ACACA: variants seen among roughly 807,000 people sequenced by gnomAD.
The protein encoded by ACACA is acetyl-CoA carboxylase alpha, also known as acetyl-CoA carboxylase 1.
A neutral mutation model predicts 296.1 loss-of-function variants in ACACA; 103 were observed. The ratio of observed to expected loss-of-function variants is 0.35; its 90% CI spans 0.30 to 0.41. ACACA has a LOEUF of 0.41. Ranked by LOEUF, ACACA falls within the 10% of genes least tolerant of loss-of-function variation. ACACA has a pLI of 1.00. For synonymous variants in ACACA, 953 were observed against 1,038.6 expected (o/e 0.92, Z 1.58); for missense variants, 1,554 against 2,989.7 (o/e 0.52, Z 11.20).
At chr17:37,394,057 G>T (rs922641097) in intron 1 of ACACA, among the ~76,000 whole-genome samples, 1 of 152,120 alleles carries the variant, frequency 6.6e-6, no homozygotes, top group Non-Finnish European at 1.5e-5. Context: ...GAGAACTCCT[G>T]TGTGGGCTTT....
At chr17:37,254,264 A>C (rs1454856450) in intron 14 of ACACA, among the ~76,000 whole-genome samples, 1 of 152,214 alleles carries the variant, frequency 6.6e-6, no homozygotes, top group Non-Finnish European at 1.5e-5. Flanking sequence ...TTCATGAAAA[A>C]TGTGGAAACT....
intron 3 of ACACA, among the ~76,000 whole-genome samples, chr17:37,292,171 T>C (rs1272452686): frequency 6.6e-6 from 1 of 152,192 alleles, no homozygotes; most frequent in African/African-American, 2.4e-5. Flanking sequence ...TATATAACTG[T>C]ATAACATCAT....
At chr17:37,111,287 CTT>C (rs1048413803) in intron 52 of ACACA, among the ~76,000 whole-genome samples, 2 of 152,018 alleles carry the variant, frequency 1.3e-5, no homozygotes, top group Non-Finnish European at 2.9e-5. Context: ...GAAAGACGGG[CTT>C]TTTGTACTCT....
chr17:37,256,833 A>C (rs2081249736), intron 14 of ACACA, among the ~76,000 whole-genome samples: 1 of 152,196 alleles, frequency 6.6e-6, no homozygotes. Context: ...CTAATAAACA[A>C]ATGCTATTTA....
At chr17:37,156,506 A>T (rs1338378661) in intron 42 of ACACA, among the ~76,000 whole-genome samples, 1 of 152,242 alleles carries the variant, frequency 6.6e-6, no homozygotes, top group East Asian at 1.9e-4. Flanking sequence ...AATAAATATA[A>T]GCAAGGGATA....
chr17:37,316,103 A>G (rs2047073609), intron 3 of ACACA, among the ~76,000 whole-genome samples: 1 of 152,144 alleles, frequency 6.6e-6, no homozygotes, highest in Non-Finnish European at 1.5e-5. Flanking sequence ...GATAGAGACC[A>G]AATGCTTATT....
intron 1 of ACACA, among the ~76,000 whole-genome samples, chr17:37,377,650 A>C (rs1268688590): frequency 6.9e-6 from 1 of 145,626 alleles, no homozygotes; most frequent in Non-Finnish European, 1.5e-5. Context: ...ACAGAGTGAG[A>C]CTCCGTCTCA....
intron 3 of ACACA, among the ~76,000 whole-genome samples, chr17:37,317,234 T>C (rs1399099384): frequency 1.3e-5 from 2 of 152,172 alleles, no homozygotes; most frequent in African/African-American, 2.4e-5. Context: ...AAAGGAAATA[T>C]ATAAAATATG....
At chr17:37,381,680 T>G (rs1260566019) in intron 1 of ACACA, among the ~76,000 whole-genome samples, 2 of 145,812 alleles carry the variant, frequency 1.4e-5, no homozygotes, top group Non-Finnish European at 3.0e-5. Context: ...CAGGCTGGAG[T>G]GCAGTGGTGC....
intron 41 of ACACA, among the ~76,000 whole-genome samples, chr17:37,173,001 C>A (rs896638357): frequency 1.2e-4 from 19 of 152,286 alleles, no homozygotes; most frequent in Middle Eastern, 3.4e-3. Context: ...AATTTCTATA[C>A]ACAGCATGAA....
At chr17:37,139,315 A>G (rs534618054) in intron 45 of ACACA, among the ~76,000 whole-genome samples, 118 of 152,254 alleles carry the variant, frequency 7.8e-4, no homozygotes, top group Non-Finnish European at 1.4e-3. Flanking sequence ...CATGCCACCC[A>G]AAGTGTGAGG....
chr17:37,341,369 G>A (rs1372035545), intron 1 of ACACA, among the ~76,000 whole-genome samples: 3 of 152,074 alleles, frequency 2.0e-5, no homozygotes, highest in Non-Finnish European at 4.4e-5. Context: ...TGATGTAAAT[G>A]ACATTTTATT....
intron 23 of ACACA, among the ~76,000 whole-genome samples, chr17:37,241,698 T>A (rs1287551545): frequency 6.6e-6 from 1 of 151,888 alleles, no homozygotes; most frequent in Admixed American, 6.6e-5. Context: ...CAGAGTGAGA[T>A]CCTGTCTCAA....
chr17:37,320,771 AC>A (rs1301141554), intron 3 of ACACA, among the ~76,000 whole-genome samples: 1 of 151,478 alleles, frequency 6.6e-6, no homozygotes, highest in African/African-American at 2.4e-5. Context: ...ATATGGTGAA[AC>A]CCTGTCTCTA....
intron 1 of ACACA, among the ~76,000 whole-genome samples, chr17:37,373,892 G>C (rs2049897722): frequency 6.6e-6 from 1 of 152,168 alleles, no homozygotes; most frequent in African/African-American, 2.4e-5. Flanking sequence ...GAAGGCAATG[G>C]AGCCCCTCTG....
At chr17:37,133,641 G>A (rs1429058365) in intron 45 of ACACA, among the ~76,000 whole-genome samples, 2 of 152,176 alleles carry the variant, frequency 1.3e-5, no homozygotes, top group Non-Finnish European at 2.9e-5. Flanking sequence ...TCATGAAGTA[G>A]GTGAGCTGCA....
chr17:37,200,432 G>C lies in ACACA; in HGVS notation c.4108C>G (p.Gln1370Glu). 1 of 1,611,648 alleles carries C rather than the reference G, an allele frequency of 6.2e-7. No individual in the cohort carries two copies. The highest frequency in any genetic ancestry group is 8.5e-7 in the Non-Finnish European group (1 of 1,177,754). ...TACAATTCACATGTCAGTACCTTTT[G>C]TGCAACCAGGAAAGTAAGGCGCCGG... ...GIRRLTFLVA[Q>E]KDFRKQVNYE... Residue 1370 changes from glutamine to glutamate, a missense_variant, in exon 34 of 56, where the codon CAA becomes GAA. Coordinates refer to ENST00000616317, the MANE Select transcript of ACACA (RefSeq NM_198834.3).
intron 44 of ACACA, among the ~76,000 whole-genome samples, chr17:37,150,306 T>C (rs4523972): frequency 0.37 from 55,752 of 151,876 alleles, 13,675 homozygotes; most frequent in African/African-American, 0.69. Context: ...CTTTGGAAGG[T>C]TGAGGCTGGT....
intron 41 of ACACA, among the ~76,000 whole-genome samples, chr17:37,167,479 C>T (rs1273719299): frequency 4.0e-5 from 6 of 149,376 alleles, no homozygotes; most frequent in Admixed American, 6.7e-5. Context: ...ACACCACGCC[C>T]GGCTAATTTT....
Sources: allele counts gnomAD v4.1 joint callset (sites outside exome capture counted in the v4.1 genomes callset), GRCh38; gene constraint gnomAD v4.1.1; transcripts MANE v1.5; gene names NCBI Gene and HGNC (gene_info 2026-07-23, HGNC 2026-07-21).